ZC3HAV1: variants seen among roughly 807,000 people sequenced by gnomAD.
ZC3HAV1 encodes the protein zinc finger CCCH-type containing, antiviral 1, also known as zinc finger CCCH-type antiviral protein 1.
A neutral mutation model predicts 86.6 loss-of-function variants in ZC3HAV1; 41 were observed. That is an observed-to-expected ratio of 0.47 (90% CI 0.37 to 0.61). The LOEUF (loss-of-function observed/expected upper bound fraction) is 0.61. ZC3HAV1 is among the 20% of genes least tolerant of loss of function. The probability of loss-of-function intolerance (pLI) is 0.00; values close to 1 mark genes in which losing one functional copy is unlikely to be tolerated. For missense variants in ZC3HAV1, 964 were observed against 1,141.1 expected, an observed-to-expected ratio of 0.84 and a Z score of 2.24; for synonymous variants, 421 against 432.1, an observed-to-expected ratio of 0.97 and a Z score of 0.32.
Position 139,109,608 on chromosome 7 carries a change from A to G in ZC3HAV1, c.-277T>C. Reference sequence around the variant, plus strand: ...GTGGAAAGAAAGAGAACGCGCGGGCAAATCTGCTGGTGACCGCCTGGGGTG... The same window carrying G: ...GTGGAAAGAAAGAGAACGCGCGGGCGAATCTGCTGGTGACCGCCTGGGGTG... On this transcript the variant is annotated 5_prime_UTR_variant, in exon 1 of 13. Coordinates refer to ENST00000242351, the MANE Select transcript of ZC3HAV1 (RefSeq NM_020119.4). 2.6e-6 allele frequency: 1 copy of G among 387,222 alleles called. No homozygotes were observed. The highest frequency in any genetic ancestry group is 5.2e-5 in the South Asian group (1 of 19,270). 24.0% of individuals were successfully genotyped at this position (387,222 alleles called of 1,614,324 possible).
intron 2 of ZC3HAV1, among the ~76,000 whole-genome samples, chr7:139,085,999 A>G (rs1817264353): frequency 6.6e-6 from 1 of 151,760 alleles, no homozygotes; most frequent in African/African-American, 2.4e-5. Context: ...AGACAGAGTG[A>G]GACTCCATCT....
chr7:139,087,564 A>C (rs977528053), intron 2 of ZC3HAV1, among the ~76,000 whole-genome samples: 1 of 152,154 alleles, frequency 6.6e-6, no homozygotes, highest in African/African-American at 2.4e-5. Flanking sequence ...CCCAACCCCC[A>C]ACAAGTCTTT....
In ZC3HAV1 at chr7:139,108,938, C is replaced by A; in HGVS notation, c.308+86G>T. ...TGTCAGGTGCGGGGTCCCGGCGAAGCCGTGCCCCTCCCAGAACATTGCCCG... is the reference window on the plus strand; with the variant it reads ...TGTCAGGTGCGGGGTCCCGGCGAAGACGTGCCCCTCCCAGAACATTGCCCG... On this transcript the variant is annotated intron_variant, in intron 1 of 12. Transcript: ENST00000242351. The surrounding 1 kb of genome is among the most constrained non-coding windows in gnomAD (Gnocchi z 4.2). 2 of 1,439,746 alleles carry A rather than the reference C, an allele frequency of 1.4e-6. No individual in the cohort carries two copies. Among genetic ancestry groups the A allele is most frequent in the Non-Finnish European group, 1.8e-6 (2 of 1,084,434 alleles). The allele number at this position is 1,439,746 out of a possible 1,614,324, so 89.2% of individuals were successfully genotyped here.
At position 139,084,029 on chromosome 7, in the gene ZC3HAV1, A is replaced by G. The variant is rs1374714592; in HGVS notation, c.448T>C (p.Cys150Arg). 1.9e-6 allele frequency: 3 copies of G among 1,613,568 alleles called. No homozygotes were observed. Among genetic ancestry groups the G allele is most frequent in the East Asian group, 2.2e-5 (1 of 44,872 alleles). Residue 150 changes from cysteine (C) to arginine (R), a missense_variant, in exon 3 of 13, where the codon TGC (cysteine) becomes CGC (arginine). Coordinates refer to ENST00000242351, the MANE Select transcript of ZC3HAV1 (RefSeq NM_020119.4). ...QSDPFFMPEI[C>R]KSYKGEGRQQ... Reference sequence around the variant, plus strand: ...CGACCCTCTCCCTTATAACTTTTGCATATCTACAGAAGGGAGAAACAACAG... The same window carrying G: ...CGACCCTCTCCCTTATAACTTTTGCGTATCTACAGAAGGGAGAAACAACAG...
intron 4 of ZC3HAV1, chr7:139,079,097 G>A: frequency 6.5e-7 from 1 of 1,535,920 alleles, no homozygotes; most frequent in South Asian, 1.2e-5. Context: ...GTCCTTCAGT[G>A]ACTTACACTG....
intron 8 of ZC3HAV1, among the ~76,000 whole-genome samples, chr7:139,064,615 A>G (rs551001862): frequency 1.3e-5 from 2 of 152,224 alleles, no homozygotes; most frequent in South Asian, 2.1e-4. Context: ...AAGACTACTT[A>G]GTTTGAGCCC....
In ZC3HAV1 at chr7:139,045,326, A is replaced by G. The variant is rs1327962039; in HGVS notation, c.*2268T>C. The stretch of plus-strand genomic sequence containing the variant: ...AAGCCAGAGTGGCTTGCGCAGAAGA[A>G]ACTAAATGATAGAGGGGTAGGGGAG... On this transcript the variant is annotated 3_prime_UTR_variant, in exon 13 of 13. Coordinates refer to ENST00000242351, the MANE Select transcript of ZC3HAV1 (RefSeq NM_020119.4). 2 of 152,180 alleles carry G rather than the reference A, an allele frequency of 1.3e-5. No homozygotes were observed. The highest frequency in any genetic ancestry group is 2.9e-5 in the Non-Finnish European group (2 of 68,026). 9.4% of individuals were successfully genotyped at this position (152,180 alleles called of 1,614,324 possible).
Position 139,046,225 on chromosome 7 carries a change from T to C in ZC3HAV1, c.*1369A>G, listed in dbSNP as rs1435033135. ...ATCCATTACATTTGGAAAAAGAAGC[T>C]CCTGGTAGACACAGGGCCTCTTTGG... On this transcript the variant is annotated 3_prime_UTR_variant, in exon 13 of 13. Transcript: ENST00000242351. 6.6e-6 allele frequency: 1 copy of C among 152,098 alleles called. No homozygotes were observed. Among genetic ancestry groups the C allele is most frequent in the Non-Finnish European group, 1.5e-5 (1 of 68,016 alleles). The allele number at this position is 152,098 out of a possible 1,614,324, so 9.4% of individuals were successfully genotyped here.
At chr7:139,083,079 G>T (rs1181383656) in intron 3 of ZC3HAV1, among the ~76,000 whole-genome samples, 1 of 148,310 alleles carries the variant, frequency 6.7e-6, no homozygotes, top group South Asian at 2.2e-4. Context: ...TGTTCTACGT[G>T]TGTGTGAGTA....
In ZC3HAV1 at chr7:139,055,287, G is replaced by A. The variant is rs1282578941; in HGVS notation, c.2105C>T (p.Pro702Leu). The A allele has an allele frequency of 6.2e-7, 1 of 1,612,270 alleles. No individual in the cohort carries two copies. The highest frequency in any genetic ancestry group is 1.1e-5 in the South Asian group (1 of 90,716). Reference protein sequence around the residue: ...QQMKRGPDHQPAKTSSVSLTA... With the variant: ...QQMKRGPDHQLAKTSSVSLTA... Reference sequence around the variant, plus strand: ...TAAAGACACTGACGAGGTCTTTGCTGGCTGATGGCTACAAATAAAGAGAAA... The same window carrying A: ...TAAAGACACTGACGAGGTCTTTGCTAGCTGATGGCTACAAATAAAGAGAAA... Residue 702 changes from proline to leucine, a missense_variant, in exon 10 of 13, where the codon CCA (proline) becomes CTA (leucine). Pro to Leu is a moderately conservative substitution (Grantham distance 98). Transcript: ENST00000242351.
chr7:139,076,141 G>T, intron 6 of ZC3HAV1, 145 bp downstream of exon 6: 1 of 1,333,136 alleles, frequency 7.5e-7, no homozygotes, highest in Non-Finnish European at 1.0e-6. Context: ...GCAGGCATTT[G>T]CCATTTTTTA....
At chr7:139,071,297 T>C (rs1188086979) in intron 7 of ZC3HAV1, among the ~76,000 whole-genome samples, 1 of 152,016 alleles carries the variant, frequency 6.6e-6, no homozygotes, top group Non-Finnish European at 1.5e-5. Flanking sequence ...AGACACAGTT[T>C]CACCATGTTG....
At position 139,062,109 on chromosome 7, in the gene ZC3HAV1, A is replaced by C. The variant is rs574986713; in HGVS notation, c.1994-971T>G. Among the ~76,000 whole-genome samples, 22 of 152,302 alleles carry C rather than the reference A, an allele frequency of 1.4e-4. No individual in the cohort carries two copies. The South Asian group carries it at 4.4e-3, about 30-fold the overall frequency. ...GTTGCTGGGGAAACTGATTGCAAAG[A>C]GACATAAGGAAACTTTCGGGATTGA... On this transcript the variant is annotated intron_variant, in intron 8 of 12. Coordinates refer to ENST00000242351, the MANE Select transcript of ZC3HAV1 (RefSeq NM_020119.4).
chr7:139,105,709 C>A (rs1016225374), intron 1 of ZC3HAV1, among the ~76,000 whole-genome samples: 2 of 152,144 alleles, frequency 1.3e-5, no homozygotes, highest in African/African-American at 4.8e-5. Context: ...CCCCTGTAAA[C>A]AGAGACCAGT....
At chr7:139,094,756 T>C (rs1473305298) in intron 1 of ZC3HAV1, among the ~76,000 whole-genome samples, 1 of 152,132 alleles carries the variant, frequency 6.6e-6, no homozygotes, top group Non-Finnish European at 1.5e-5. Context: ...AACCTAACCC[T>C]GGGCCACACC....
chr7:139,080,004 A>G lies in ZC3HAV1; in HGVS notation c.937T>C (p.Ser313Pro), dbSNP rs1817078582. 3 of 1,613,962 alleles carry G rather than the reference A, an allele frequency of 1.9e-6. No individual in the cohort carries two copies. The highest frequency in any genetic ancestry group is 1.1e-5 in the South Asian group (1 of 91,080). ...GTTCCTCCAAGATCAGTAGCCTTGG[A>G]CGAGCCTGAGGGAGGCCGAGCGCGA... ...QDRARPPSGS[S>P]KATDLGGTSQ... Residue 313 changes from serine (S) to proline (P), a missense_variant, in exon 4 of 13, where the codon TCC (serine) becomes CCC (proline). Ser to Pro is a moderately conservative substitution (Grantham distance 74). Transcript: ENST00000242351.
chr7:139,094,917 T>C (rs1817539974), intron 1 of ZC3HAV1, among the ~76,000 whole-genome samples: 1 of 151,604 alleles, frequency 6.6e-6, no homozygotes, highest in Admixed American at 6.6e-5. Flanking sequence ...ACTTCACAAA[T>C]CGGTAAACAC....
rs570997331 is a variant in ZC3HAV1 at position 139,098,890 on chromosome 7, C to T, written c.309-9131G>A. Among the ~76,000 whole-genome samples, 544 of 152,026 alleles carry T rather than the reference C, an allele frequency of 3.6e-3. 5 individuals carry two copies. The highest frequency in any genetic ancestry group is 3.7e-3 in the Non-Finnish European group (252 of 67,978). ...ATGGCTTCTTCTGTTCCAAAGTAGC[C>T]GCAGGAAAAGCTCGCAGATACCTGG... On this transcript the variant is annotated intron_variant, in intron 1 of 12. Transcript: ENST00000242351.
chr7:139,097,922 CAA>C (rs1315563555), intron 1 of ZC3HAV1, among the ~76,000 whole-genome samples: 1 of 151,516 alleles, frequency 6.6e-6, no homozygotes, highest in Non-Finnish European at 1.5e-5. Flanking sequence ...ATCCATTTAT[CAA>C]AACTCTTTAA....
Sources: allele counts gnomAD v4.1 joint callset (sites outside exome capture counted in the v4.1 genomes callset), GRCh38; gene constraint gnomAD v4.1.1; non-coding constraint Gnocchi (gnomAD v3.1); transcripts MANE v1.5; gene names NCBI Gene and HGNC (gene_info 2026-07-23, HGNC 2026-07-21).